Variants in ZC3H12B observed in about 807,000 individuals in gnomAD.
ZC3H12B encodes the protein probable ribonuclease ZC3H12B.
A neutral mutation model predicts 43.9 loss-of-function variants in ZC3H12B; 7 were observed. The observed-to-expected ratio is 0.16, with a 90% CI of 0.09 to 0.30. The LOEUF (loss-of-function observed/expected upper bound fraction) is 0.30. Ranked by LOEUF, ZC3H12B falls within the 10% of genes least tolerant of loss-of-function variation. The pLI is 1.00. For missense variants in ZC3H12B, 475 were observed against 670.2 expected (o/e 0.71, Z 3.22); for synonymous variants, 222 against 241.7 (o/e 0.92, Z 0.76).
chrX:65,371,211 T>C (rs942260588), intron 2 of ZC3H12B, among the ~76,000 whole-genome samples: 4 of 112,311 alleles, frequency 3.6e-5, no homozygotes, highest in Admixed American at 2.8e-4. Context: ...CTTACATTAA[T>C]AGCTTTATCG....
In ZC3H12B at chrX:65,381,804, C is replaced by T. The variant is rs768943837; in HGVS notation, n.295+12806C>T. On this transcript the variant is annotated intron_variant and non_coding_transcript_variant, in intron 2 of 5. Transcript: ENST00000617377. The stretch of plus-strand genomic sequence containing the variant: ...CCGATCCCACAGAAATACAAACCAC[C>T]ATCAGAGAATACTACAAACACCTCT... 8.9e-5 allele frequency among the ~76,000 whole-genome samples: 10 copies of T among 111,846 alleles called. No individual in the cohort carries two copies. The South Asian group carries it at 1.9e-3, about 21-fold the overall frequency.
At chrX:65,415,305 A>C (rs1349483252) in intron 3 of ZC3H12B, among the ~76,000 whole-genome samples, 2 of 112,776 alleles carry the variant, frequency 1.8e-5, no homozygotes, top group Admixed American at 9.3e-5. Flanking sequence ...AACTTTGTTA[A>C]TTCTCTCCTG....
At chrX:65,346,496 A>C in the ZC3H12B span, among the ~76,000 whole-genome samples, 1 of 111,878 alleles carries the variant, frequency 8.9e-6, no homozygotes, top group Non-Finnish European at 1.9e-5. Flanking sequence ...CAAAGATTTA[A>C]ATGTAGACCT....
the ZC3H12B span, among the ~76,000 whole-genome samples, chrX:65,211,441 C>A: frequency 9.3e-6 from 1 of 107,537 alleles, no homozygotes; most frequent in African/African-American, 3.4e-5. Flanking sequence ...ATGTTCTAGG[C>A]ACCATGCTAA....
At chrX:65,133,513 C>A in the ZC3H12B span, among the ~76,000 whole-genome samples, 1 of 110,917 alleles carries the variant, frequency 9.0e-6, no homozygotes, top group Non-Finnish European at 1.9e-5. Context: ...TGGGAGAGGT[C>A]GGATAAAGAA....
chrX:65,153,950 AATC>A, the ZC3H12B span, among the ~76,000 whole-genome samples: 2 of 111,033 alleles, frequency 1.8e-5, no homozygotes, highest in African/African-American at 6.6e-5. Flanking sequence ...TGAAATTGGA[AATC>A]ATCATTCTCA....
At chrX:65,355,936 CAG>C in the ZC3H12B span, among the ~76,000 whole-genome samples, 1 of 112,009 alleles carries the variant, frequency 8.9e-6, no homozygotes. Flanking sequence ...CCCTGGGTGA[CAG>C]AGCAAGATTC....
exon 5 of ZC3H12B, chrX:65,506,646 G>A (rs1239730980): frequency 8.9e-6 from 1 of 112,036 alleles, no homozygotes; most frequent in East Asian, 2.8e-4. Context: ...TGACCTCATA[G>A]GAAGTCTGTG....
intron 3 of ZC3H12B, among the ~76,000 whole-genome samples, chrX:65,432,454 T>C (rs2067173708): frequency 8.9e-6 from 1 of 111,788 alleles, no homozygotes; most frequent in South Asian, 3.8e-4. Context: ...AGCATCTCTA[T>C]CTGCTACTGA....
At chrX:65,266,454 T>C in the ZC3H12B span, among the ~76,000 whole-genome samples, 5 of 112,126 alleles carry the variant, frequency 4.5e-5, no homozygotes, top group African/African-American at 1.6e-4. Flanking sequence ...AGGGCTCTAT[T>C]ACTCCACAAA....
chrX:65,230,746 G>C, the ZC3H12B span, among the ~76,000 whole-genome samples: 1 of 111,103 alleles, frequency 9.0e-6, no homozygotes, highest in African/African-American at 3.3e-5. Context: ...CTATGGATTT[G>C]TATCAACATC....
chrX:65,169,149 C>T, the ZC3H12B span, among the ~76,000 whole-genome samples: 1 of 111,422 alleles, frequency 9.0e-6, no homozygotes, highest in Non-Finnish European at 1.9e-5. Context: ...TTGATCTTTC[C>T]TGCTTTCTCT....
At chrX:65,213,614 C>T in the ZC3H12B span, among the ~76,000 whole-genome samples, 12 of 110,800 alleles carry the variant, frequency 1.1e-4, no homozygotes, top group Admixed American at 7.8e-4. Context: ...CTCCACCTTT[C>T]TAGTTTTTTC....
the ZC3H12B span, among the ~76,000 whole-genome samples, chrX:65,196,248 G>A: frequency 9.2e-6 from 1 of 108,924 alleles, no homozygotes; most frequent in Non-Finnish European, 1.9e-5. Context: ...GAGGCAAGCT[G>A]GGAAGGAAGT....
At chrX:65,053,432 T>A in the ZC3H12B span, among the ~76,000 whole-genome samples, 1 of 111,435 alleles carries the variant, frequency 9.0e-6, no homozygotes, top group African/African-American at 3.3e-5. Context: ...ACAAAGGACA[T>A]GAACTCATCA....
At chrX:65,098,652 C>T in the ZC3H12B span, among the ~76,000 whole-genome samples, 520 of 110,453 alleles carry the variant, frequency 4.7e-3, 2 homozygotes, top group Middle Eastern at 9.3e-3. Context: ...GGGCCAGGGA[C>T]CTCCCTTCTT....
chrX:65,106,806 A>G, the ZC3H12B span, among the ~76,000 whole-genome samples: 1 of 111,766 alleles, frequency 8.9e-6, no homozygotes, highest in African/African-American at 3.2e-5. Flanking sequence ...ACCACACTAC[A>G]GTCAGTGTCT....
At position 65,390,492 on chromosome X, in the gene ZC3H12B, A is replaced by G. The variant is rs1298155560; in HGVS notation, n.296-8101A>G. Among the ~76,000 whole-genome samples, 4 of 111,719 alleles carry G rather than the reference A, an allele frequency of 3.6e-5. No individual in the cohort carries two copies. In the South Asian group the frequency reaches 1.5e-3, roughly 42 times the overall value. ...AGGAAGAGGCAATGACCATAATTAT[A>G]TAACTATAAAGTGGTCAATTCAGCA... On this transcript the variant is annotated intron_variant and non_coding_transcript_variant, in intron 2 of 5. Coordinates refer to the ZC3H12B transcript ENST00000617377.
the ZC3H12B span, among the ~76,000 whole-genome samples, chrX:65,094,077 G>T: frequency 9.1e-6 from 1 of 110,003 alleles, no homozygotes; most frequent in Admixed American, 9.7e-5. Flanking sequence ...AGATCTGGTT[G>T]TTTGTTTAAA....
Sources: gnomAD v4.1 joint callset for allele counts (sites outside exome capture counted in the v4.1 genomes callset) on GRCh38, gnomAD v4.1.1 for gene constraint, MANE v1.5 for transcripts, NCBI Gene and HGNC (gene_info 2026-07-23, HGNC 2026-07-21) for gene names.